DNAAF9: variants seen among roughly 807,000 people sequenced by gnomAD.
DNAAF9 encodes shulin.
A neutral mutation model predicts 167.0 loss-of-function variants in DNAAF9; 90 were observed. That is an observed-to-expected ratio of 0.54 (90% confidence interval 0.45 to 0.64). The LOEUF (loss-of-function observed/expected upper bound fraction) is 0.64, where lower values mean the gene tolerates loss of function less well. Among genes scored for constraint, DNAAF9 ranks in the 30% least tolerant of loss-of-function variants. The pLI, the probability that DNAAF9 is intolerant of heterozygous loss-of-function variation, is 0.00. For missense variants in DNAAF9, 1,315 were observed against 1,442.2 expected (o/e 0.91, Z 1.43); for synonymous variants, 491 against 508.8 (o/e 0.96, Z 0.47).
In DNAAF9 at chr20:3,253,717, C is replaced by T; in HGVS notation, c.3421+9G>A. ...GTTCCACACAGGGACCACGCTGTTC[C>T]AAGGATACGTGGGTGAAAATCAGTT... On this transcript the variant is annotated intron_variant, in intron 36 of 36. Coordinates refer to ENST00000252032, the MANE Select transcript of DNAAF9 (RefSeq NM_001009984.3). 6.4e-7 allele frequency: 1 copy of T among 1,560,566 alleles called. No homozygotes were observed. The highest frequency in any genetic ancestry group is 8.8e-7 in the Non-Finnish European group (1 of 1,131,454).
chr20:3,319,262 C>CAAAAAAAAAAAAAAA (rs57727958), intron 16 of DNAAF9, among the ~76,000 whole-genome samples: 1 of 41,560 alleles, frequency 2.4e-5, no homozygotes, highest in Non-Finnish European at 5.2e-5. Context: ...GACCCCGTCT[C>CAAAAAAAAAAAAAAA]AAAAAAAAAA....
intron 14 of DNAAF9, among the ~76,000 whole-genome samples, chr20:3,324,283 A>G (rs941685759): frequency 6.6e-6 from 1 of 152,264 alleles, no homozygotes; most frequent in Non-Finnish European, 1.5e-5. Context: ...GTATTCTTAA[A>G]TAAATTCCCC....
At chr20:3,307,964 G>GT (rs199688734) in intron 20 of DNAAF9, among the ~76,000 whole-genome samples, 2,162 of 70,026 alleles carry the variant, frequency 0.031, 25 homozygotes, top group Non-Finnish European at 0.042. Context: ...TACACACAAG[G>GT]TTTAAAAAAA....
intron 25 of DNAAF9, among the ~76,000 whole-genome samples, chr20:3,293,339 G>T (rs1189640522): frequency 6.9e-6 from 1 of 144,488 alleles, no homozygotes; most frequent in East Asian, 2.1e-4. Flanking sequence ...GGTTCTGAAG[G>T]AATGGTGGGA....
chr20:3,400,512 A>G (rs1208529874), intron 1 of DNAAF9, among the ~76,000 whole-genome samples: 1 of 143,416 alleles, frequency 7.0e-6, no homozygotes, highest in African/African-American at 2.7e-5. Context: ...ATTTAAAATT[A>G]TTTCAAAATT....
Position 3,353,520 on chromosome 20 carries a change from A to T in DNAAF9, c.691-4897T>A, listed in dbSNP as rs6051780. 9.0e-3 allele frequency among the ~76,000 whole-genome samples: 1,361 copies of T among 151,500 alleles called. 20 individuals carry two copies. Among genetic ancestry groups the T allele is most frequent in the African/African-American group, 0.032 (1,304 of 41,214 alleles). ...GCAAGTGCTTGCAGTCCCAGCCTCTAGGGAAGCTGAGGTGGGAGAACCACT... is the reference window on the plus strand; with the variant it reads ...GCAAGTGCTTGCAGTCCCAGCCTCTTGGGAAGCTGAGGTGGGAGAACCACT... On this transcript the variant is annotated intron_variant, in intron 7 of 36. Coordinates refer to ENST00000252032, the MANE Select transcript of DNAAF9 (RefSeq NM_001009984.3).
intron 1 of DNAAF9, among the ~76,000 whole-genome samples, chr20:3,395,540 A>C (rs2123289080): frequency 6.6e-6 from 1 of 152,144 alleles, no homozygotes; most frequent in South Asian, 2.1e-4. Flanking sequence ...TTGGCCTCCT[A>C]AAGTGCTGGG....
chr20:3,258,112 T>C (rs2122737466), intron 33 of DNAAF9, among the ~76,000 whole-genome samples: 1 of 104,550 alleles, frequency 9.6e-6, no homozygotes, highest in Middle Eastern at 4.1e-3. Context: ...GTGATCCTCT[T>C]GCCTCGGCCT....
chr20:3,392,687 AG>A (rs1159517062), intron 1 of DNAAF9, among the ~76,000 whole-genome samples: 1 of 152,226 alleles, frequency 6.6e-6, no homozygotes, highest in Non-Finnish European at 1.5e-5. Flanking sequence ...ATGAACAGCC[AG>A]GTATGTTTTC....
In DNAAF9 at chr20:3,407,619, G is replaced by C; in HGVS notation, c.-62C>G. The C allele has an allele frequency of 8.3e-7, 1 of 1,197,946 alleles. No homozygotes were observed. Among genetic ancestry groups the C allele is most frequent in the East Asian group, 3.5e-5 (1 of 28,964 alleles). The allele number at this position is 1,197,946 out of a possible 1,614,324, so 74.2% of individuals were successfully genotyped here. A position where few individuals can be genotyped will look rare whatever the true frequency, so the allele number is the denominator to read the frequency against. On this transcript the variant is annotated 5_prime_UTR_variant, in exon 1 of 37. Coordinates refer to ENST00000252032, the MANE Select transcript of DNAAF9 (RefSeq NM_001009984.3). ...GCTGCGAGGGTCTCAGTTGCCCGCA[G>C]GGCGGCTCCACGCTAGCTGCGGCCG...
Position 3,299,657 on chromosome 20 carries a change from GT to G in DNAAF9, c.1783-1483del, listed in dbSNP as rs376115854. On this transcript the variant is annotated intron_variant, in intron 21 of 36. Coordinates refer to ENST00000252032, the MANE Select transcript of DNAAF9 (RefSeq NM_001009984.3). ...AAGACTGTCCTTTTGACATTGAATG[GT>G]TCTGGCATCCTTGTCAAAAATGATT... is the stretch of plus-strand genomic sequence containing the variant. Among the ~76,000 whole-genome samples the G allele has an allele frequency of 3.8e-3, 582 of 152,298 alleles. 1 individual carries two copies. Among genetic ancestry groups the G allele is most frequent in the Middle Eastern group, 6.8e-3 (2 of 294 alleles).
chr20:3,302,944 T>G (rs751117504), intron 21 of DNAAF9, among the ~76,000 whole-genome samples: 7 of 152,166 alleles, frequency 4.6e-5, no homozygotes, highest in Non-Finnish European at 8.8e-5. Flanking sequence ...TTTTTAAAAA[T>G]CAGTAACTGG....
intron 3 of DNAAF9, 46 bp from the exon 4 acceptor site, chr20:3,376,348 CT>C: frequency 1.3e-6 from 2 of 1,495,216 alleles, no homozygotes; most frequent in Admixed American, 2.0e-5. Context: ...AAACACATTT[CT>C]TTTAGATATT....
chr20:3,290,329 G>T (rs1448487406), intron 25 of DNAAF9, 112 bp from the exon 26 acceptor site: 1 of 728,784 alleles, frequency 1.4e-6, no homozygotes, highest in Non-Finnish European at 2.5e-6. Context: ...ACCTCAGTAT[G>T]ACCTCTCACT....
chr20:3,351,155 G>A (rs904265840), intron 7 of DNAAF9, among the ~76,000 whole-genome samples: 1 of 152,130 alleles, frequency 6.6e-6, no homozygotes, highest in Non-Finnish European at 1.5e-5. Context: ...ATAAACAGGA[G>A]ACAGGGGAAA....
chr20:3,314,315 C>T (rs1457610083), intron 20 of DNAAF9, among the ~76,000 whole-genome samples: 1 of 152,002 alleles, frequency 6.6e-6, no homozygotes, highest in African/African-American at 2.4e-5. Context: ...AGAGGGTGGG[C>T]TGGGATAGGC....
rs778557436 is a variant in DNAAF9, at chr20:3,375,197, T to A, written c.409-71A>T. The A allele has an allele frequency of 9.2e-6, 9 of 981,076 alleles. No individual in the cohort carries two copies. In the Admixed American group the frequency reaches 1.6e-4, roughly 17 times the overall value. 60.8% of individuals were successfully genotyped at this position (981,076 alleles called of 1,614,324 possible). On this transcript the variant is annotated intron_variant, in intron 4 of 36. Transcript: ENST00000252032. ...CACAAATTCCCATATTTTCTCTGCA[T>A]TTTGTCAACCAGAGTTGTCCCAAAT...
chr20:3,311,598 T>C (rs2123018587), intron 20 of DNAAF9, among the ~76,000 whole-genome samples: 1 of 152,256 alleles, frequency 6.6e-6, no homozygotes, highest in East Asian at 1.9e-4. Flanking sequence ...TGATACTGCA[T>C]GTTCATACAA....
intron 25 of DNAAF9, among the ~76,000 whole-genome samples, chr20:3,293,168 C>T (rs1374655162): frequency 4.6e-5 from 7 of 151,670 alleles, no homozygotes; most frequent in African/African-American, 1.7e-4. Context: ...GGGCGCATGC[C>T]TGTAATCCCA....
Sources: allele counts gnomAD v4.1 joint callset (sites outside exome capture counted in the v4.1 genomes callset), GRCh38; gene constraint gnomAD v4.1.1; transcripts MANE v1.5; gene names NCBI Gene and HGNC (gene_info 2026-07-23, HGNC 2026-07-21).